CACNB2: variants seen among roughly 807,000 people sequenced by gnomAD.
CACNB2 encodes calcium voltage-gated channel auxiliary subunit beta 2.
In CACNB2, 42 loss-of-function variants were observed where a neutral mutation model predicts 73.3. The ratio of observed to expected loss-of-function variants is 0.57; its 90% CI spans 0.45 to 0.74. The LOEUF (loss-of-function observed/expected upper bound fraction) is 0.74. Among genes scored for constraint, CACNB2 ranks in the 30% least tolerant of loss-of-function variants. The pLI is 0.00. For missense variants in CACNB2, 940 were observed against 853.0 expected (o/e 1.10, Z -1.27); for synonymous variants, 348 against 310.3 (o/e 1.12, Z -1.28).
At chr10:18,402,391 G>GTAAAAAAA (rs368164777) in intron 3 of CACNB2, among the ~76,000 whole-genome samples, 1 of 143,822 alleles carries the variant, frequency 7.0e-6, no homozygotes, top group Non-Finnish European at 1.5e-5. Context: ...TCTCTGTTAA[G>GTAAAAAAA]AAAAAAAAAA....
chr10:18,438,091 T>C (rs1564547516), intron 3 of CACNB2, among the ~76,000 whole-genome samples: 1 of 136,516 alleles, frequency 7.3e-6, no homozygotes, highest in African/African-American at 2.7e-5. Context: ...TATCTCGGTT[T>C]ACTGCAAGCT....
chr10:18,156,405 G>C (rs1393750061), intron 2 of CACNB2, among the ~76,000 whole-genome samples: 1 of 152,218 alleles, frequency 6.6e-6, no homozygotes, highest in African/African-American at 2.4e-5. Context: ...TTTGAAGTCA[G>C]TGATATGTTA....
intron 2 of CACNB2, among the ~76,000 whole-genome samples, chr10:18,303,642 A>G (rs1031357094): frequency 6.6e-6 from 1 of 152,234 alleles, no homozygotes; most frequent in Admixed American, 6.5e-5. Context: ...AAGGCAACCC[A>G]TATGAAGGTT....
chr10:18,395,259 G>T (rs1404801114), intron 2 of CACNB2, among the ~76,000 whole-genome samples: 1 of 152,138 alleles, frequency 6.6e-6, no homozygotes, highest in Non-Finnish European at 1.5e-5. Context: ...TGTTCTTTCT[G>T]CCCAGACATC....
intron 2 of CACNB2, among the ~76,000 whole-genome samples, chr10:18,205,437 G>C (rs1011433120): frequency 1.3e-5 from 2 of 152,192 alleles, no homozygotes; most frequent in African/African-American, 4.8e-5. Flanking sequence ...CGCATGACTA[G>C]TTTGTTGAAC....
At chr10:18,382,814 T>C (rs772724452) in intron 2 of CACNB2, among the ~76,000 whole-genome samples, 3 of 152,200 alleles carry the variant, frequency 2.0e-5, no homozygotes, top group Non-Finnish European at 2.9e-5. Context: ...GTTGATTCCA[T>C]GTCTCTCCTA....
At chr10:18,518,446 A>G (rs774226500) in intron 8 of CACNB2, 30 bp downstream of exon 8, 4 of 1,440,148 alleles carry the variant, frequency 2.8e-6, no homozygotes, top group East Asian at 2.3e-5. Context: ...AGGAAGCTTA[A>G]CTTGCATGCT....
At chr10:18,211,127 G>C (rs552938798) in intron 2 of CACNB2, among the ~76,000 whole-genome samples, 99 of 152,270 alleles carry the variant, frequency 6.5e-4, no homozygotes, top group Admixed American at 2.2e-3. Context: ...AAACAGACTT[G>C]GAGGCGGAGG....
At chr10:18,534,365 T>G in intron 11 of CACNB2, 138 bp downstream of exon 11, 1 of 788,294 alleles carries the variant, frequency 1.3e-6, no homozygotes, top group African/African-American at 1.7e-5. Context: ...GTCAAGAATT[T>G]TTAAATTGAT....
rs1327787339 is a variant in CACNB2, at chr10:18,536,243, C to CTTTTCTTTTTTTTTTTTT, written c.1302+51_1302+52insCTTTTTTTTTTTTTTTTT. On this transcript the variant is annotated intron_variant, in intron 12 of 13. Transcript: ENST00000324631. Reference sequence around the variant, plus strand: ...CATAATCCAGTTACAGAGATCAGACCTTTTTTTTTTTTTTTTTTTTTTTTT... The same window carrying CTTTTCTTTTTTTTTTTTT: ...CATAATCCAGTTACAGAGATCAGACCTTTTCTTTTTTTTTTTTTTTTTTTTTTTTTTTTTTTTTTTTTT... 1.3e-4 allele frequency: 38 copies of CTTTTCTTTTTTTTTTTTT among 283,126 alleles called. 2 individuals carry two copies. Among genetic ancestry groups the CTTTTCTTTTTTTTTTTTT allele is most frequent in the African/African-American group, 4.5e-4 (7 of 15,408 alleles). 17.5% of individuals were successfully genotyped at this position (283,126 alleles called of 1,614,324 possible).
At chr10:18,372,426 A>G (rs1468092411) in intron 2 of CACNB2, among the ~76,000 whole-genome samples, 1 of 152,092 alleles carries the variant, frequency 6.6e-6, no homozygotes, top group Non-Finnish European at 1.5e-5. Context: ...TTTTATTTTG[A>G]GATGGAGTTT....
At chr10:18,313,985 G>A (rs904799216) in intron 2 of CACNB2, among the ~76,000 whole-genome samples, 1 of 152,168 alleles carries the variant, frequency 6.6e-6, no homozygotes, top group African/African-American at 2.4e-5. Context: ...CACACTAAAG[G>A]CTTCTGGACA....
chr10:18,527,430 A>G (rs1378950850), intron 9 of CACNB2, among the ~76,000 whole-genome samples, 158 bp from the exon 10 acceptor site: 4 of 152,154 alleles, frequency 2.6e-5, no homozygotes, highest in East Asian at 1.9e-4. Context: ...GAATAAGTAA[A>G]AAGAAAAAAA....
At chr10:18,519,271 C>G (rs1214359691) in intron 9 of CACNB2, among the ~76,000 whole-genome samples, 1 of 152,168 alleles carries the variant, frequency 6.6e-6, no homozygotes, top group African/African-American at 2.4e-5. Context: ...AGGCATCGCA[C>G]TAAATATCCC....
intron 10 of CACNB2, chr10:18,531,792 GA>G (rs2053056988): frequency 6.6e-6 from 1 of 152,112 alleles, no homozygotes; most frequent in Non-Finnish European, 1.5e-5. Flanking sequence ...TATCTAAGAG[GA>G]AACATTGTTC....
chr10:18,505,493 C>G (rs2050438547), intron 5 of CACNB2, among the ~76,000 whole-genome samples: 1 of 152,112 alleles, frequency 6.6e-6, no homozygotes, highest in Non-Finnish European at 1.5e-5. Flanking sequence ...TAACATTCAG[C>G]CTGTTACTGA....
At chr10:18,450,432 A>G (rs2046960072) in intron 3 of CACNB2, among the ~76,000 whole-genome samples, 1 of 152,004 alleles carries the variant, frequency 6.6e-6, no homozygotes, top group South Asian at 2.1e-4. Context: ...GCCTGTGGTG[A>G]ATAATGTCGA....
At chr10:18,193,927 C>T (rs571892749) in intron 2 of CACNB2, among the ~76,000 whole-genome samples, 1 of 152,074 alleles carries the variant, frequency 6.6e-6, no homozygotes, top group African/African-American at 2.4e-5. Flanking sequence ...ATAAATACAT[C>T]CTATGGTATG....
chr10:18,449,191 TGGCTAACAC>T (rs1331137124), intron 3 of CACNB2, among the ~76,000 whole-genome samples: 2 of 152,124 alleles, frequency 1.3e-5, no homozygotes, highest in African/African-American at 4.8e-5. Context: ...AAGACCGTCC[TGGCTAACAC>T]GGTGAAACCC....
Sources: gnomAD v4.1 joint callset for allele counts (sites outside exome capture counted in the v4.1 genomes callset) on GRCh38, gnomAD v4.1.1 for gene constraint, MANE v1.5 for transcripts, NCBI Gene and HGNC (gene_info 2026-07-23, HGNC 2026-07-21) for gene names.